Variants in SELENOK observed in about 807,000 individuals in gnomAD.
SELENOK encodes the protein selenoprotein K.
SELENOK carries 11 observed loss-of-function variants against 17.3 expected under a neutral mutation model. The observed-to-expected ratio is 0.63, with a 90% CI of 0.40 to 1.05. The LOEUF is 1.05. Ranked by LOEUF, SELENOK falls within the 50% of genes least tolerant of loss-of-function variation. The pLI is 0.00. For missense variants in SELENOK, 125 were observed against 113.9 expected (o/e 1.10, Z -0.44); for synonymous variants, 45 against 35.4 (o/e 1.27, Z -0.97).
intron 1 of SELENOK, 37 bp from the exon 2 acceptor site, chr3:53,888,520 A>C: frequency 7.2e-7 from 1 of 1,388,062 alleles, no homozygotes; most frequent in Non-Finnish European, 1.0e-6. Flanking sequence ...AGTGAGTGCT[A>C]CAAATCCCTA....
At chr3:53,891,168 C>A (rs1700165883) in intron 1 of SELENOK, 1 of 152,300 alleles carries the variant, frequency 6.6e-6, no homozygotes, top group Non-Finnish European at 1.5e-5. Context: ...AAGCTTTCAT[C>A]TAATTATCAT....
intron 2 of SELENOK, 139 bp from the exon 3 acceptor site, chr3:53,887,073 C>A: frequency 1.6e-6 from 1 of 624,064 alleles, no homozygotes. Context: ...TTGCAGCCAG[C>A]TGGACACCAC....
At chr3:53,889,830 T>G (rs1366679597) in intron 1 of SELENOK, among the ~76,000 whole-genome samples, 1 of 152,270 alleles carries the variant, frequency 6.6e-6, no homozygotes, top group African/African-American at 2.4e-5. Flanking sequence ...TTCATTAAAA[T>G]AACTACTGTT....
intron 1 of SELENOK, among the ~76,000 whole-genome samples, chr3:53,891,494 A>T (rs1386027436): frequency 6.6e-6 from 1 of 152,014 alleles, no homozygotes; most frequent in East Asian, 1.9e-4. Context: ...CACCCTCGCA[A>T]ATCCACAATC....
At chr3:53,891,647 G>C in intron 1 of SELENOK, 123 bp downstream of exon 1, 1 of 1,330,946 alleles carries the variant, frequency 7.5e-7, no homozygotes. Flanking sequence ...GCTCCGCCCG[G>C]CCGCGGGGCG....
intron 1 of SELENOK, among the ~76,000 whole-genome samples, chr3:53,890,613 A>G (rs1700160923): frequency 6.6e-6 from 1 of 152,260 alleles, no homozygotes. Context: ...AGAAGCTTCC[A>G]GCCTTAAGCT....
At position 53,885,228 on chromosome 3, in the gene SELENOK, C is replaced by T. The variant is rs553969950; in HGVS notation, c.*330G>A. On this transcript the variant is annotated 3_prime_UTR_variant, in exon 5 of 5. Coordinates refer to ENST00000495461, the MANE Select transcript of SELENOK (RefSeq NM_021237.5). ...AAATACACAGGCTTTTATTTGTTTT[C>T]TTCAGATTGCTTTTTCGTGAATATA... 1 of 207,796 alleles carries T rather than the reference C, an allele frequency of 4.8e-6. No homozygotes were observed. Among genetic ancestry groups the T allele is most frequent in the African/African-American group, 2.3e-5 (1 of 43,652 alleles). The allele number at this position is 207,796 out of a possible 1,614,324, so 12.9% of individuals were successfully genotyped here.
chr3:53,888,977 A>G (rs1700145837), intron 1 of SELENOK, among the ~76,000 whole-genome samples: 1 of 152,066 alleles, frequency 6.6e-6, no homozygotes, highest in Non-Finnish European at 1.5e-5. Flanking sequence ...GAATTGCTTG[A>G]ACCCAGGAAG....
intron 1 of SELENOK, chr3:53,891,085 C>T (rs900675856): frequency 6.6e-6 from 1 of 152,380 alleles, no homozygotes; most frequent in East Asian, 1.9e-4. Context: ...TACTTCTTCC[C>T]ATGCCCCTTG....
At position 53,886,952 on chromosome 3, in the gene SELENOK, AAAC is replaced by A; in HGVS notation, c.111-21_111-19del. 1 of 1,518,834 alleles carries A rather than the reference AAAC, an allele frequency of 6.6e-7. No individual in the cohort carries two copies. The highest frequency in any genetic ancestry group is 1.3e-5 in the South Asian group (1 of 79,168). The allele number at this position is 1,518,834 out of a possible 1,614,324, so 94.1% of individuals were successfully genotyped here. ...TTTTGAAACTGAAACAAGGGGCAGA[AAAC>A]AACAAAGGTATCACTTTTGACAACA... On this transcript the variant is annotated intron_variant, in intron 2 of 4. Coordinates refer to ENST00000495461, the MANE Select transcript of SELENOK (RefSeq NM_021237.5).
At chr3:53,891,246 C>T (rs1700166830) in intron 1 of SELENOK, among the ~76,000 whole-genome samples, 1 of 152,170 alleles carries the variant, frequency 6.6e-6, no homozygotes, top group African/African-American at 2.4e-5. Flanking sequence ...AGGACGCTGA[C>T]GTCAGCCTAC....
chr3:53,888,784 C>T (rs147715729), intron 1 of SELENOK, among the ~76,000 whole-genome samples: 41 of 152,270 alleles, frequency 2.7e-4, no homozygotes, highest in African/African-American at 8.4e-4. Context: ...AGGCTGGGCG[C>T]GGTGGCTCAT....
chr3:53,885,933 T>C (rs375372918), intron 3 of SELENOK, 21 bp from the exon 4 acceptor site: 22 of 1,446,982 alleles, frequency 1.5e-5, no homozygotes, highest in Admixed American at 1.2e-4. Context: ...AAAAAGTTAG[T>C]ATCTACTGTT....
At chr3:53,891,744 G>A (rs748740215) in intron 1 of SELENOK, 26 bp downstream of exon 1, 1 of 1,613,628 alleles carries the variant, frequency 6.2e-7, no homozygotes, top group Non-Finnish European at 8.5e-7. Flanking sequence ...GTCACCGGTC[G>A]AAGCCACAGC....
intron 1 of SELENOK, among the ~76,000 whole-genome samples, chr3:53,889,281 C>T (rs940074457): frequency 3.9e-5 from 6 of 152,250 alleles, no homozygotes; most frequent in South Asian, 2.1e-4. Context: ...TTACCTTCTC[C>T]GCCCAGCCCC....
chr3:53,886,939 A>C lies in SELENOK; in HGVS notation c.111-5T>G. On this transcript the variant is annotated splice_region_variant and splice_polypyrimidine_tract_variant and intron_variant, in intron 2 of 4. Coordinates refer to ENST00000495461, the MANE Select transcript of SELENOK (RefSeq NM_021237.5). Reference sequence around the variant, plus strand: ...TGCTGAAGCAGAGTTTTGAAACTGAAACAAGGGGCAGAAAACAACAAAGGT... The same window carrying C: ...TGCTGAAGCAGAGTTTTGAAACTGACACAAGGGGCAGAAAACAACAAAGGT... 3 of 1,547,746 alleles carry C rather than the reference A, an allele frequency of 1.9e-6. No individual in the cohort carries two copies. Among genetic ancestry groups the C allele is most frequent in the Non-Finnish European group, 2.6e-6 (3 of 1,145,152 alleles).
At chr3:53,889,042 G>T (rs558001005) in intron 1 of SELENOK, among the ~76,000 whole-genome samples, 1 of 150,582 alleles carries the variant, frequency 6.6e-6, no homozygotes, top group Non-Finnish European at 1.5e-5. Flanking sequence ...GGGCGACAGA[G>T]CAAGAAAAAA....
Position 53,884,828 on chromosome 3 carries a change from G to C in SELENOK, c.*730C>G, listed in dbSNP as rs9878461. On this transcript the variant is annotated 3_prime_UTR_variant, in exon 5 of 5. Coordinates refer to ENST00000495461, the MANE Select transcript of SELENOK (RefSeq NM_021237.5). ...GCTAATTTTTGTTATTTTAGGTTTC[G>C]TCATGCTGCAGGCTGGTCTCAAACT... 0.12 allele frequency: 18,748 copies of C among 152,180 alleles called. 1,256 individuals are homozygous for C. Among genetic ancestry groups the C allele is most frequent in the South Asian group, 0.24 (1,165 of 4,816 alleles). The allele number at this position is 152,180 out of a possible 1,614,324, so 9.4% of individuals were successfully genotyped here. A position where few individuals can be genotyped will look rare whatever the true frequency, so the allele number is the denominator to read the frequency against.
rs1435328229 is a variant in SELENOK at position 53,886,865 on chromosome 3, A to C, written c.180T>G (p.Tyr60Ter). Residue 60 changes from tyrosine to a stop codon, truncating the protein, a stop_gained, in exon 3 of 5, where the codon TAT becomes TAG. Transcript: ENST00000495461. LOFTEE classifies it high-confidence loss of function. The stretch of plus-strand genomic sequence containing the variant: ...AAAAGCTGTACCCTCTTCCATCATC[A>C]TATCTGGAATCAGATGAGTTTCCAT... ...RSYGNSSDSR[Y>*]DDGRGPPGNP... is the part of the protein sequence containing the mutation. 6.4e-7 allele frequency: 1 copy of C among 1,563,846 alleles called. No homozygotes were observed.
Sources: allele counts gnomAD v4.1 joint callset (sites outside exome capture counted in the v4.1 genomes callset), GRCh38; gene constraint gnomAD v4.1.1; transcripts MANE v1.5; gene names NCBI Gene and HGNC (gene_info 2026-07-23, HGNC 2026-07-21).